ANKRD29: variants seen among roughly 807,000 people sequenced by gnomAD.
ANKRD29 encodes ankyrin repeat domain-containing protein 29.
A neutral mutation model predicts 38.0 loss-of-function variants in ANKRD29; 32 were observed. The observed-to-expected ratio is 0.84, with a 90% CI of 0.64 to 1.13. The LOEUF (loss-of-function observed/expected upper bound fraction) is 1.13, where lower values mean the gene tolerates loss of function less well. Ranked by LOEUF, ANKRD29 falls within the 50% of genes most tolerant of loss-of-function variation. The probability of loss-of-function intolerance (pLI) is 0.00; values close to 1 mark genes in which losing one functional copy is unlikely to be tolerated. For synonymous variants in ANKRD29, 135 were observed against 152.4 expected, an observed-to-expected ratio of 0.89 and a Z score of 0.84; for missense variants, 357 against 377.9, an observed-to-expected ratio of 0.94 and a Z score of 0.46.
chr18:23,647,971 TCTAGG>T, intron 2 of ANKRD29: 1 of 147,336 alleles, frequency 6.8e-6, no homozygotes, highest in African/African-American at 2.7e-5. Context: ...AGTACTGGGA[TCTAGG>T]AACAGTGGGG....
At position 23,649,098 on chromosome 18, in the gene ANKRD29, C is replaced by T. The variant is rs2145728477; in HGVS notation, c.117G>A (p.Val39=). ...ACCACCGTACGCTGTCTCTGCAGTC[C>T]ACGTCCACCCGGCCGCTGTTCAACA... ...KLLLNSGRVD[V]DCRDSHGTTL... Residue 39 remains valine, a synonymous_variant, in exon 2 of 10, where the codon GTG becomes GTA. Coordinates refer to ENST00000592179, the MANE Select transcript of ANKRD29 (RefSeq NM_173505.4). 1 of 1,614,118 alleles carries T rather than the reference C, an allele frequency of 6.2e-7. No homozygotes were observed. Among genetic ancestry groups the T allele is most frequent in the South Asian group, 1.1e-5 (1 of 91,070 alleles).
intron 3 of ANKRD29, among the ~76,000 whole-genome samples, chr18:23,640,723 C>T (rs1416999733): frequency 6.6e-6 from 1 of 152,128 alleles, no homozygotes; most frequent in Non-Finnish European, 1.5e-5. Flanking sequence ...AAATAATGAA[C>T]CATTCTTGTG....
At chr18:23,604,949 C>CAA (rs2145629414) in intron 9 of ANKRD29, among the ~76,000 whole-genome samples, 1 of 152,248 alleles carries the variant, frequency 6.6e-6, no homozygotes, top group South Asian at 2.1e-4. Flanking sequence ...GAAACAGAGT[C>CAA]TTATTCTGTC....
chr18:23,650,573 G>A (rs2065712931), intron 1 of ANKRD29, among the ~76,000 whole-genome samples: 1 of 152,192 alleles, frequency 6.6e-6, no homozygotes, highest in Non-Finnish European at 1.5e-5. Context: ...TAAAATAATT[G>A]ATATGAGTTT....
intron 1 of ANKRD29, among the ~76,000 whole-genome samples, chr18:23,660,410 T>A (rs944258143): frequency 3.6e-4 from 55 of 152,246 alleles, no homozygotes; most frequent in African/African-American, 1.3e-3. Flanking sequence ...CTTTTTATTG[T>A]TGAAGTGCCT....
chr18:23,604,044 G>A lies in ANKRD29; in HGVS notation c.823-2735C>T, dbSNP rs377623780. ...TTTAGTAGAGATGAGGTTTCATCGT[G>A]TTGGCCAGGCTGGTCTCGAACTCCT... On this transcript the variant is annotated intron_variant, in intron 9 of 9. Coordinates refer to ENST00000592179, the MANE Select transcript of ANKRD29 (RefSeq NM_173505.4). Among the ~76,000 whole-genome samples the A allele has an allele frequency of 1.2e-4, 19 of 152,188 alleles. No individual in the cohort carries two copies. The South Asian group carries it at 3.9e-3, about 32-fold the overall frequency.
At chr18:23,616,565 C>CTATATATATATAGTATATATATATATAT (rs1568013693) in intron 8 of ANKRD29, among the ~76,000 whole-genome samples, 39 of 138,322 alleles carry the variant, frequency 2.8e-4, no homozygotes, top group Admixed American at 5.3e-4. Context: ...TATATATATA[C>CTATATATATATAGTATATATATATATAT]ACTATATATA....
chr18:23,607,609 T>C (rs919375992), intron 9 of ANKRD29, among the ~76,000 whole-genome samples: 1 of 152,234 alleles, frequency 6.6e-6, no homozygotes, highest in Admixed American at 6.5e-5. Context: ...GTTTTGGTCA[T>C]TCACATCACC....
intron 9 of ANKRD29, among the ~76,000 whole-genome samples, chr18:23,602,352 A>G (rs2059525109): frequency 6.6e-6 from 1 of 152,070 alleles, no homozygotes; most frequent in African/African-American, 2.4e-5. Flanking sequence ...TCTTTTGATG[A>G]GAAGGCAGAG....
In ANKRD29 at chr18:23,609,008, C is replaced by T. The variant is rs1038101315; in HGVS notation, c.822+3084G>A. On this transcript the variant is annotated intron_variant, in intron 9 of 9. Coordinates refer to ENST00000592179, the MANE Select transcript of ANKRD29 (RefSeq NM_173505.4). The stretch of plus-strand genomic sequence containing the variant: ...ACTCGGAAGGCTGAGGCAGGAGAAT[C>T]GTTTGAACCTGGGAGGCGGAGGTTG... Among the ~76,000 whole-genome samples, 8 of 151,944 alleles carry T rather than the reference C, an allele frequency of 5.3e-5. No homozygotes were observed. In the South Asian group the frequency reaches 1.0e-3, roughly 20 times the overall value.
chr18:23,612,249 G>T, intron 8 of ANKRD29, 59 bp from the exon 9 acceptor site: 1 of 1,462,332 alleles, frequency 6.8e-7, no homozygotes. Context: ...CATTCAGCAT[G>T]GCTTTCATCA....
chr18:23,629,340 T>C (rs2059900817), intron 6 of ANKRD29, among the ~76,000 whole-genome samples: 1 of 152,250 alleles, frequency 6.6e-6, no homozygotes, highest in African/African-American at 2.4e-5. Flanking sequence ...TAGCTTGCTG[T>C]TGGTAAATGA....
chr18:23,655,419 T>C (rs2060266265), intron 1 of ANKRD29, among the ~76,000 whole-genome samples: 1 of 152,114 alleles, frequency 6.6e-6, no homozygotes, highest in African/African-American at 2.4e-5. Context: ...CAGCAGACCC[T>C]GAAGGAAATA....
chr18:23,657,988 A>G (rs776634760), intron 1 of ANKRD29, among the ~76,000 whole-genome samples: 85 of 152,212 alleles, frequency 5.6e-4, no homozygotes, highest in Non-Finnish European at 1.1e-3. Context: ...AGTTCTAATA[A>G]TATTTGCCTT....
intron 9 of ANKRD29, among the ~76,000 whole-genome samples, chr18:23,608,777 C>T (rs910944641): frequency 6.6e-6 from 1 of 152,190 alleles, no homozygotes; most frequent in Non-Finnish European, 1.5e-5. Flanking sequence ...GAAAAGACCC[C>T]CTTCTTGCCT....
At chr18:23,604,000 G>A (rs2145627558) in intron 9 of ANKRD29, among the ~76,000 whole-genome samples, 1 of 151,994 alleles carries the variant, frequency 6.6e-6, no homozygotes, top group East Asian at 1.9e-4. Context: ...ACACCACCAT[G>A]CCCAGCTAAT....
At position 23,629,869 on chromosome 18, in the gene ANKRD29, A is replaced by C. The variant is rs1028094903; in HGVS notation, c.512T>G (p.Val171Gly). Residue 171 changes from valine (V) to glycine (G), a missense_variant, in exon 6 of 10, where the codon GTC becomes GGC. Val to Gly is a moderately radical substitution (Grantham distance 109). Coordinates refer to ENST00000592179, the MANE Select transcript of ANKRD29 (RefSeq NM_173505.4). ...IRLLLASGAK[V>G]NQPRQDGTAP... ...GGACATTACCTGCCTTGGCTGGTTG[A>C]CTTTTGCTCCTGAAGCCAGCAGTAA... 2 of 1,613,876 alleles carry C rather than the reference A, an allele frequency of 1.2e-6. No homozygotes were observed. The highest frequency in any genetic ancestry group is 1.7e-6 in the Non-Finnish European group (2 of 1,180,006).
At position 23,601,106 on chromosome 18, in the gene ANKRD29, G is replaced by T; in HGVS notation, c.*120C>A. ...AGCTCTTCTTTGTCAGGGACCCACA[G>T]GATGGGCATTCTGGGCATCTTTTTT... On this transcript the variant is annotated 3_prime_UTR_variant, in exon 10 of 10. Transcript: ENST00000592179. The T allele has an allele frequency of 2.3e-6, 2 of 859,926 alleles. No individual in the cohort carries two copies. The highest frequency in any genetic ancestry group is 3.6e-6 in the Non-Finnish European group (2 of 555,548). 53.3% of individuals were successfully genotyped at this position (859,926 alleles called of 1,614,324 possible).
Position 23,614,948 on chromosome 18 carries a change from C to A in ANKRD29, c.724-2758G>T, listed in dbSNP as rs547756962. On this transcript the variant is annotated intron_variant, in intron 8 of 9. Coordinates refer to ENST00000592179, the MANE Select transcript of ANKRD29 (RefSeq NM_173505.4). ...ATTTGGTGTCCTGTATGTAATAAAA[C>A]AGGAGCATTATATCTCAGGGGTCAG... 6.9e-4 allele frequency among the ~76,000 whole-genome samples: 105 copies of A among 152,268 alleles called. 2 individuals are homozygous for A. The South Asian group carries it at 0.021, about 31-fold the overall frequency.
Sources: gnomAD v4.1 joint callset for allele counts (sites outside exome capture counted in the v4.1 genomes callset) on GRCh38, gnomAD v4.1.1 for gene constraint, MANE v1.5 for transcripts, NCBI Gene and HGNC (gene_info 2026-07-23, HGNC 2026-07-21) for gene names.